Variants in TAAR5 observed in about 807,000 individuals in gnomAD.
The protein encoded by TAAR5 is trace amine associated receptor 5.
TAAR5 carries 27 observed loss-of-function variants against 21.1 expected under a neutral mutation model. The observed-to-expected ratio is 1.28, with a 90% CI of 0.94 to 1.76. The LOEUF is 1.76. Among genes scored for constraint, TAAR5 ranks in the 40% most tolerant of loss-of-function variants. The pLI, the probability that TAAR5 is intolerant of heterozygous loss-of-function variation, is 0.00. For missense variants in TAAR5, 495 were observed against 405.6 expected (o/e 1.22, Z -1.89); for synonymous variants, 203 against 167.5 (o/e 1.21, Z -1.64).
upstream of TAAR5, among the ~76,000 whole-genome samples, chr6:132,593,201 C>T (rs951372811): frequency 3.7e-4 from 56 of 152,198 alleles, no homozygotes; most frequent in African/African-American, 1.1e-3. Context: ...CTCTCCACAA[C>T]CCCATGTCAG....
At chr6:132,616,589 C>T in the TAAR5 span, among the ~76,000 whole-genome samples, 3 of 152,290 alleles carry the variant, frequency 2.0e-5, no homozygotes, top group South Asian at 2.1e-4. Context: ...AGTTAAGAAA[C>T]GTTTGTTCTC....
chr6:132,613,525 C>T, the TAAR5 span, among the ~76,000 whole-genome samples: 1 of 152,138 alleles, frequency 6.6e-6, no homozygotes, highest in Non-Finnish European at 1.5e-5. Context: ...TTAATAATTA[C>T]AAATAATTTC....
rs755338422 is a variant in TAAR5 at position 132,589,649 on chromosome 6, G to A, written c.38C>T (p.Pro13Leu). Reference protein sequence around the residue: ...AVFIQGAEEHPAAFCYQVNGS... With the variant: ...AVFIQGAEEHLAAFCYQVNGS... ...ATTCACCTGGTAGCAGAATGCCGCA[G>A]GGTGCTCTTCAGCACCTTGGATGAA... The change falls in exon 1 of 1, where the codon CCT (proline) becomes CTT (leucine). Residue 13 changes from proline to leucine, a missense_variant. Coordinates refer to ENST00000258034, the MANE Select transcript of TAAR5 (RefSeq NM_003967.3). 6.2e-7 allele frequency: 1 copy of A among 1,607,206 alleles called. No homozygotes were observed.
chr6:132,600,895 A>G, the TAAR5 span, among the ~76,000 whole-genome samples: 1,086 of 112,108 alleles, frequency 9.7e-3, 19 homozygotes, highest in Admixed American at 0.03. Context: ...GAAGAAGGGA[A>G]GGAGGGAAGG....
At chr6:132,615,710 T>C in the TAAR5 span, among the ~76,000 whole-genome samples, 1 of 152,034 alleles carries the variant, frequency 6.6e-6, no homozygotes, top group African/African-American at 2.4e-5. Flanking sequence ...GTGATTATGT[T>C]TTGAAACATA....
At chr6:132,597,544 C>G in the TAAR5 span, among the ~76,000 whole-genome samples, 1 of 152,014 alleles carries the variant, frequency 6.6e-6, no homozygotes, top group East Asian at 1.9e-4. Flanking sequence ...GGAGATTCGC[C>G]TTCAGAAAAG....
chr6:132,599,078 T>A, the TAAR5 span, among the ~76,000 whole-genome samples: 1 of 152,142 alleles, frequency 6.6e-6, no homozygotes, highest in East Asian at 1.9e-4. Flanking sequence ...ATTTTTCAAA[T>A]AAAGGTCTTA....
At chr6:132,599,312 GCTTTT>G in the TAAR5 span, among the ~76,000 whole-genome samples, 1 of 143,996 alleles carries the variant, frequency 6.9e-6, no homozygotes, top group Non-Finnish European at 1.5e-5. Flanking sequence ...GAACAGCAAA[GCTTTT>G]CTTTTCTTTT....
chr6:132,592,283 CA>C (rs1377451579), upstream of TAAR5, among the ~76,000 whole-genome samples: 1 of 152,188 alleles, frequency 6.6e-6, no homozygotes, highest in Non-Finnish European at 1.5e-5. Context: ...CCAACTTTAA[CA>C]AAATCGATTA....
the TAAR5 span, among the ~76,000 whole-genome samples, chr6:132,604,970 G>C: frequency 2.0e-5 from 3 of 152,222 alleles, no homozygotes; most frequent in Non-Finnish European, 4.4e-5. Context: ...AGGGACTCCA[G>C]ATGGCCTTTC....
At chr6:132,590,690 T>G (rs1245018566), upstream of TAAR5, among the ~76,000 whole-genome samples, 1 of 152,228 alleles carries the variant, frequency 6.6e-6, no homozygotes, top group Non-Finnish European at 1.5e-5. Flanking sequence ...GGACCTAGTT[T>G]GCACTATTTG....
upstream of TAAR5, among the ~76,000 whole-genome samples, chr6:132,592,929 G>A (rs968435751): frequency 6.6e-6 from 1 of 152,118 alleles, no homozygotes; most frequent in Non-Finnish European, 1.5e-5. Context: ...GAATTCCTGG[G>A]TAAGGACCAC....
rs749877516 is a variant in TAAR5, at chr6:132,588,947, T to G, written c.740A>C (p.Glu247Ala). Reference sequence around the variant, plus strand: ...GCCCAGGGTCTTGGCAGCTTTTCTCTCATGCTTGGCAGCCCCAGCCAGGCT... The same window carrying G: ...GCCCAGGGTCTTGGCAGCTTTTCTCGCATGCTTGGCAGCCCCAGCCAGGCT... ...SKSLAGAAKHERKAAKTLGIA... is the reference protein window; with the variant it reads ...SKSLAGAAKHARKAAKTLGIA... Residue 247 changes from glutamate (E) to alanine (A), a missense_variant, in exon 1 of 1, where the codon GAG becomes GCG. Glu to Ala is a moderately radical substitution (Grantham distance 107). Coordinates refer to ENST00000258034, the MANE Select transcript of TAAR5 (RefSeq NM_003967.3). The G allele has an allele frequency of 1.2e-6, 2 of 1,614,116 alleles. No homozygotes were observed. The highest frequency in any genetic ancestry group is 1.7e-6 in the Non-Finnish European group (2 of 1,179,984).
the TAAR5 span, among the ~76,000 whole-genome samples, chr6:132,602,795 AAG>A: frequency 6.6e-6 from 1 of 151,126 alleles, no homozygotes; most frequent in Admixed American, 6.6e-5. Context: ...AAAAAAAAAA[AAG>A]ACAATACCAA....
At chr6:132,595,923 GT>G in the TAAR5 span, among the ~76,000 whole-genome samples, 62 of 152,270 alleles carry the variant, frequency 4.1e-4, no homozygotes, top group Non-Finnish European at 8.1e-4. Context: ...AACTTTATGT[GT>G]GAGCATTTGC....
upstream of TAAR5, among the ~76,000 whole-genome samples, chr6:132,590,240 G>A (rs989507790): frequency 2.0e-5 from 3 of 152,184 alleles, no homozygotes; most frequent in South Asian, 2.1e-4. Flanking sequence ...AGCAGATTAA[G>A]ATTTTTAGCT....
chr6:132,595,178 T>C, the TAAR5 span: 1 of 153,290 alleles, frequency 6.5e-6, no homozygotes, highest in Non-Finnish European at 1.5e-5. Flanking sequence ...CTGAAGGGCA[T>C]GACCACACAG....
chr6:132,589,193 T>C lies in TAAR5; in HGVS notation c.494A>G (p.Tyr165Cys), dbSNP rs1351175437. The C allele has an allele frequency of 6.2e-7, 1 of 1,605,642 alleles. No homozygotes were observed. The highest frequency in any genetic ancestry group is 2.2e-5 in the East Asian group (1 of 44,830). Residue 165 changes from tyrosine to cysteine, a missense_variant, in exon 1 of 1, where the codon TAC becomes TGC. Transcript: ENST00000258034. ...ILAGWGVPAA[Y>C]TSLFLYTDVV... ...ATCTGTGTAGAGGAATAACGAAGTG[T>C]ATGCTGCGGGCACCCCCCATCCTGC...
chr6:132,604,857 A>G, the TAAR5 span, among the ~76,000 whole-genome samples: 2 of 152,196 alleles, frequency 1.3e-5, no homozygotes, highest in African/African-American at 4.8e-5. Context: ...AAGCAGTCTC[A>G]TAGCCAGGGG....
Sources: allele counts gnomAD v4.1 joint callset (sites outside exome capture counted in the v4.1 genomes callset), GRCh38; gene constraint gnomAD v4.1.1; transcripts MANE v1.5; gene names NCBI Gene and HGNC (gene_info 2026-07-23, HGNC 2026-07-21).